Variants in CDH13 observed in about 807,000 individuals in gnomAD.
CDH13 encodes cadherin 13, also known as cadherin-13.
A neutral mutation model predicts 63.8 loss-of-function variants in CDH13; 24 were observed. That is an observed-to-expected ratio of 0.38 (90% CI 0.27 to 0.53). CDH13 has a LOEUF of 0.53. CDH13 is among the 20% of genes least tolerant of loss of function. CDH13 has a pLI of 0.85. For synonymous variants in CDH13, 503 were observed against 355.3 expected, an observed-to-expected ratio of 1.42 and a Z score of -4.67; for missense variants, 1,049 against 903.1, an observed-to-expected ratio of 1.16 and a Z score of -2.07.
intron 1 of CDH13, among the ~76,000 whole-genome samples, chr16:82,792,874 AG>A (rs1432242198): frequency 6.6e-6 from 1 of 152,226 alleles, no homozygotes; most frequent in African/African-American, 2.4e-5. Flanking sequence ...TTGATTTGTA[AG>A]AAAGTCCACA....
intron 1 of CDH13, among the ~76,000 whole-genome samples, chr16:82,797,019 T>G (rs1341502244): frequency 6.6e-6 from 1 of 152,250 alleles, no homozygotes; most frequent in Admixed American, 6.5e-5. Flanking sequence ...CCTGACACAG[T>G]ATACATTGCA....
intron 6 of CDH13, among the ~76,000 whole-genome samples, chr16:83,346,227 G>C (rs2090836996): frequency 6.6e-6 from 1 of 152,186 alleles, no homozygotes. Flanking sequence ...GACAGGTCTG[G>C]AGAGAAGGAG....
At chr16:83,085,641 GC>G (rs2033544679) in intron 3 of CDH13, among the ~76,000 whole-genome samples, 1 of 152,222 alleles carries the variant, frequency 6.6e-6, no homozygotes, top group Non-Finnish European at 1.5e-5. Context: ...CAAGCATTTG[GC>G]TGTTTTATTT....
At chr16:83,278,710 A>G (rs1380625628) in intron 5 of CDH13, among the ~76,000 whole-genome samples, 1 of 152,226 alleles carries the variant, frequency 6.6e-6, no homozygotes, top group Non-Finnish European at 1.5e-5. Context: ...TCAGCAGAGA[A>G]GAGAAGGATA....
intron 5 of CDH13, among the ~76,000 whole-genome samples, chr16:83,288,907 C>T (rs950865258): frequency 6.6e-6 from 1 of 152,166 alleles, no homozygotes; most frequent in Non-Finnish European, 1.5e-5. Flanking sequence ...TTTGAACATT[C>T]GCCTGGATTT....
At chr16:83,732,447 C>T (rs1276819701) in intron 10 of CDH13, among the ~76,000 whole-genome samples, 1 of 152,078 alleles carries the variant, frequency 6.6e-6, no homozygotes, top group East Asian at 1.9e-4. Context: ...GTGATCAGTC[C>T]CCAAAGCCAC....
chr16:83,093,731 C>T (rs919096119), intron 3 of CDH13, among the ~76,000 whole-genome samples: 1 of 152,188 alleles, frequency 6.6e-6, no homozygotes, highest in Non-Finnish European at 1.5e-5. Flanking sequence ...GGCGCTTGTA[C>T]CTCCACTCCC....
intron 13 of CDH13, among the ~76,000 whole-genome samples, chr16:83,788,707 A>T (rs1916052789): frequency 1.3e-5 from 2 of 152,226 alleles, no homozygotes; most frequent in Admixed American, 1.3e-4. Context: ...AAAGACAGGC[A>T]CAGGTACACT....
At chr16:82,878,256 T>A (rs2040574674) in intron 2 of CDH13, among the ~76,000 whole-genome samples, 1 of 151,928 alleles carries the variant, frequency 6.6e-6, no homozygotes, top group African/African-American at 2.4e-5. Flanking sequence ...TACCCAAGGC[T>A]TACAGTAAAT....
chr16:83,070,306 T>G (rs745952367), intron 3 of CDH13, among the ~76,000 whole-genome samples: 6 of 152,190 alleles, frequency 3.9e-5, no homozygotes, highest in Non-Finnish European at 8.8e-5. Flanking sequence ...TTTAAGGGTG[T>G]TGGGTACGAT....
At chr16:83,432,148 C>A (rs139353666) in intron 6 of CDH13, among the ~76,000 whole-genome samples, 1 of 152,052 alleles carries the variant, frequency 6.6e-6, no homozygotes, top group Non-Finnish European at 1.5e-5. Flanking sequence ...TGGTATATTG[C>A]CAGTTGCACA....
At chr16:82,775,518 C>T (rs1252961686) in intron 1 of CDH13, among the ~76,000 whole-genome samples, 4 of 152,116 alleles carry the variant, frequency 2.6e-5, no homozygotes, top group Non-Finnish European at 5.9e-5. Context: ...ATGAGCTAAG[C>T]GTTTAAAACC....
chr16:83,354,460 C>A (rs2091015785), intron 6 of CDH13, among the ~76,000 whole-genome samples: 1 of 152,172 alleles, frequency 6.6e-6, no homozygotes, highest in South Asian at 2.1e-4. Context: ...GTGACCAAGA[C>A]CATTTAGAAC....
At chr16:83,127,232 G>A (rs989174791) in intron 4 of CDH13, among the ~76,000 whole-genome samples, 4 of 152,164 alleles carry the variant, frequency 2.6e-5, no homozygotes, top group Non-Finnish European at 5.9e-5. Flanking sequence ...GCCTGCCCTT[G>A]GATGAGGAGT....
intron 2 of CDH13, among the ~76,000 whole-genome samples, chr16:82,862,085 T>C (rs763818302): frequency 3.3e-5 from 5 of 152,162 alleles, no homozygotes; most frequent in Non-Finnish European, 7.4e-5. Context: ...TGTGAAAAGT[T>C]TGTGGGAGGT....
At chr16:82,772,256 G>C (rs1419482369) in intron 1 of CDH13, among the ~76,000 whole-genome samples, 1 of 152,136 alleles carries the variant, frequency 6.6e-6, no homozygotes, top group Non-Finnish European at 1.5e-5. Context: ...GAAGTGTTCA[G>C]TAAATATTTA....
At chr16:83,353,308 A>G (rs1281115657) in intron 6 of CDH13, among the ~76,000 whole-genome samples, 2 of 152,238 alleles carry the variant, frequency 1.3e-5, no homozygotes, top group East Asian at 1.9e-4. Flanking sequence ...GCTCAGAACC[A>G]AGACAGTCGG....
chr16:83,771,026 C>T (rs575445091), intron 11 of CDH13, among the ~76,000 whole-genome samples: 4 of 152,130 alleles, frequency 2.6e-5, no homozygotes, highest in Non-Finnish European at 4.4e-5. Context: ...TTTCCTTAAT[C>T]TGAGTGTCTA....
At chr16:83,028,027 A>C (rs978546145) in intron 2 of CDH13, among the ~76,000 whole-genome samples, 1 of 152,190 alleles carries the variant, frequency 6.6e-6, no homozygotes, top group Non-Finnish European at 1.5e-5. Context: ...GAAGAAACTT[A>C]GCTGGGAATC....
Sources: gnomAD v4.1 joint callset for allele counts (sites outside exome capture counted in the v4.1 genomes callset) on GRCh38, gnomAD v4.1.1 for gene constraint, MANE v1.5 for transcripts, NCBI Gene and HGNC (gene_info 2026-07-23, HGNC 2026-07-21) for gene names.